ZNF410: variants seen among roughly 807,000 people sequenced by gnomAD.
ZNF410 encodes another partner for ARF 1.
In ZNF410, 18 loss-of-function variants were observed where a neutral mutation model predicts 54.8. The ratio of observed to expected loss-of-function variants is 0.33; its 90% CI spans 0.23 to 0.49. ZNF410 has a LOEUF of 0.49. Ranked by LOEUF, ZNF410 falls within the 20% of genes least tolerant of loss-of-function variation. The pLI is 0.99. For synonymous variants in ZNF410, 191 were observed against 207.3 expected (o/e 0.92, Z 0.68); for missense variants, 405 against 569.6 (o/e 0.71, Z 2.94).
intron 7 of ZNF410, among the ~76,000 whole-genome samples, chr14:73,905,966 CACATATATATATAT>C (rs1458276739): frequency 4.5e-5 from 3 of 66,624 alleles, no homozygotes; most frequent in Non-Finnish European, 6.5e-5. Context: ...CACACACACA[CACATATATATATAT>C]ATATATATAT....
Position 73,931,840 on chromosome 14 carries a change from G to A in ZNF410, c.*299G>A. ...AAGTGAATTTGATTATGTGTTGGCT[G>A]AAGTTCTTCATTCTGACTGTTGAGG... On this transcript the variant is annotated 3_prime_UTR_variant, in exon 12 of 12. Coordinates refer to ENST00000555044, the MANE Select transcript of ZNF410 (RefSeq NM_021188.3). 1 of 442,668 alleles carries A rather than the reference G, an allele frequency of 2.3e-6. No homozygotes were observed. The highest frequency in any genetic ancestry group is 4.3e-6 in the Non-Finnish European group (1 of 230,134). 27.4% of individuals were successfully genotyped at this position (442,668 alleles called of 1,614,324 possible).
intron 11 of ZNF410, among the ~76,000 whole-genome samples, chr14:73,925,656 G>A (rs2140329355): frequency 6.6e-6 from 1 of 152,212 alleles, no homozygotes; most frequent in East Asian, 1.9e-4. Context: ...TGGAACTCCT[G>A]ACCTCAAGTG....
chr14:73,887,047 C>T (rs2055150501), intron 1 of ZNF410, 132 bp downstream of exon 1: 1 of 152,750 alleles, frequency 6.5e-6, no homozygotes, highest in African/African-American at 2.4e-5. Context: ...CTTGGGCATC[C>T]CTCCTGGATC....
intron 11 of ZNF410, among the ~76,000 whole-genome samples, chr14:73,926,442 T>G (rs2055834147): frequency 6.6e-6 from 1 of 152,090 alleles, no homozygotes; most frequent in East Asian, 1.9e-4. Context: ...TTGTTTTTGT[T>G]TTTGTTTTGA....
chr14:73,887,094 G>T (rs1268951296), intron 1 of ZNF410, 179 bp downstream of exon 1: 2 of 152,978 alleles, frequency 1.3e-5, no homozygotes. Flanking sequence ...AAGCCCTGCG[G>T]CTTTGGCCCT....
intron 8 of ZNF410, among the ~76,000 whole-genome samples, chr14:73,912,153 A>C (rs911860060): frequency 6.8e-6 from 1 of 147,318 alleles, no homozygotes; most frequent in South Asian, 2.1e-4. Context: ...AAGGTTCCCT[A>C]TGAACCTTTC....
rs1162043951 is a variant in ZNF410, at chr14:73,923,442, G to A, written c.1318G>A (p.Val440Met). The change falls in exon 11 of 12, where the codon GTG becomes ATG. Residue 440 changes from valine (V) to methionine (M), a missense_variant. Coordinates refer to ENST00000555044, the MANE Select transcript of ZNF410 (RefSeq NM_021188.3). The part of the protein sequence containing the change: ...SPRSLSSVPD[V>M]THHLVTMQSG... ...ACGTTCCCTGTCTTCAGTGCCTGAT[G>A]TGACACATCACCTGGTGACCATGCA... 17 of 1,613,956 alleles carry A rather than the reference G, an allele frequency of 1.1e-5. No individual in the cohort carries two copies. Among genetic ancestry groups the A allele is most frequent in the Non-Finnish European group, 1.4e-5 (17 of 1,179,990 alleles).
intron 8 of ZNF410, 175 bp downstream of exon 8, chr14:73,909,605 GT>G (rs1371793508): frequency 5.3e-5 from 25 of 468,716 alleles, no homozygotes; most frequent in South Asian, 4.9e-4. Context: ...TATAATCAAG[GT>G]TGGGGGGGGG....
At chr14:73,924,865 G>A in intron 11 of ZNF410, 1 of 332,890 alleles carries the variant, frequency 3.0e-6, no homozygotes, top group South Asian at 2.2e-5. Flanking sequence ...TTTTAGTAGA[G>A]ACAGGGTTTC....
intron 11 of ZNF410, among the ~76,000 whole-genome samples, chr14:73,929,613 G>T (rs1446869731): frequency 6.6e-6 from 1 of 151,970 alleles, no homozygotes; most frequent in African/African-American, 2.4e-5. Context: ...GGGGTGGGAG[G>T]ATCAATTGAG....
At chr14:73,895,752 G>T (rs2055307869) in intron 3 of ZNF410, among the ~76,000 whole-genome samples, 1 of 152,104 alleles carries the variant, frequency 6.6e-6, no homozygotes, top group East Asian at 1.9e-4. Context: ...ATCACTTAAG[G>T]TCAGGAGTTT....
chr14:73,893,452 G>T, intron 2 of ZNF410: 1 of 200,798 alleles, frequency 5.0e-6, no homozygotes, highest in East Asian at 1.3e-4. Context: ...TTACTGTACT[G>T]AATACTGTAG....
In ZNF410 at chr14:73,931,508, A is replaced by G; in HGVS notation, c.1404A>G (p.Leu468=). 1 of 1,606,610 alleles carries G rather than the reference A, an allele frequency of 6.2e-7. No individual in the cohort carries two copies. Among genetic ancestry groups the G allele is most frequent in the Non-Finnish European group, 8.5e-7 (1 of 1,178,214 alleles). ...VLTAVNPQEL[L]NQGDLTERRT is the part of the protein sequence containing the mutation. ...TTGCTTTCAATCTTTTACAGTTACTAAACCAAGGAGATTTAACTGAAAGAC... is the reference window on the plus strand; with the variant it reads ...TTGCTTTCAATCTTTTACAGTTACTGAACCAAGGAGATTTAACTGAAAGAC... Residue 468 remains leucine, a synonymous_variant, in exon 12 of 12, where the codon CTA becomes CTG. Coordinates refer to ENST00000555044, the MANE Select transcript of ZNF410 (RefSeq NM_021188.3).
intron 8 of ZNF410, among the ~76,000 whole-genome samples, chr14:73,910,349 G>A (rs2055557948): frequency 6.6e-6 from 1 of 152,170 alleles, no homozygotes; most frequent in South Asian, 2.1e-4. Flanking sequence ...AAGAGACCCA[G>A]TGGAAGAATC....
chr14:73,890,192 CT>C (rs35969764), intron 1 of ZNF410, among the ~76,000 whole-genome samples: 370 of 134,594 alleles, frequency 2.7e-3, no homozygotes, highest in Middle Eastern at 4.5e-3. Context: ...TATTCAGTTA[CT>C]TTTTTTTTTT....
At chr14:73,888,317 AG>A (rs1042376824) in intron 1 of ZNF410, 9 of 152,236 alleles carry the variant, frequency 5.9e-5, no homozygotes, top group African/African-American at 2.2e-4. Context: ...CCTAGCAAGC[AG>A]TTAGAAATGA....
At chr14:73,920,286 T>A (rs2055737583) in intron 8 of ZNF410, 1 of 151,526 alleles carries the variant, frequency 6.6e-6, no homozygotes, top group African/African-American at 2.4e-5. Context: ...TCCAGTGTCT[T>A]AAAAAAAAAT....
chr14:73,926,633 C>T (rs1464076936), intron 11 of ZNF410, among the ~76,000 whole-genome samples: 1 of 151,918 alleles, frequency 6.6e-6, no homozygotes, highest in Non-Finnish European at 1.5e-5. Context: ...CGGGCTTTTA[C>T]CATGTTGGCC....
Position 73,922,152 on chromosome 14 carries a change from G to A in ZNF410, c.1216G>A (p.Gly406Ser), listed in dbSNP as rs2140324636. 1.9e-6 allele frequency: 3 copies of A among 1,614,066 alleles called. No individual in the cohort carries two copies. Among genetic ancestry groups the A allele is most frequent in the Non-Finnish European group, 2.5e-6 (3 of 1,180,022 alleles). The change falls in exon 10 of 12, where the codon GGT (glycine) becomes AGT (serine). Residue 406 changes from glycine (G) to serine (S), a missense_variant. Gly to Ser is a moderately conservative substitution (Grantham distance 56). Around this residue, in one of 3 missense-constraint regions of ZNF410, gnomAD observed 127 missense variants for 141.3 expected, o/e 0.90. Transcript: ENST00000555044. ...LVSMNSQPSLGGESLNLPNTN... is the reference protein window; with the variant it reads ...LVSMNSQPSLSGESLNLPNTN... ...GTCTATGAATTCCCAGCCCAGCCTT[G>A]GTGGAGAGTCCTTGAACCTACCAAA...
Sources: allele counts gnomAD v4.1 joint callset (sites outside exome capture counted in the v4.1 genomes callset), GRCh38; gene constraint gnomAD v4.1.1; regional missense constraint gnomAD v4.1.1; transcripts MANE v1.5; gene names NCBI Gene and HGNC (gene_info 2026-07-23, HGNC 2026-07-21).